The following FRMPD2 variants were observed in gnomAD, a reference collection of about 807,000 sequenced individuals.
FRMPD2 encodes the protein FERM and PDZ domain-containing protein 2.
In FRMPD2, 96 loss-of-function variants were observed where a neutral mutation model predicts 140.1. The observed-to-expected ratio is 0.69, with a 90% CI of 0.58 to 0.81. The LOEUF (loss-of-function observed/expected upper bound fraction) is 0.81. Ranked by LOEUF, FRMPD2 falls within the 40% of genes least tolerant of loss-of-function variation. FRMPD2 has a pLI of 0.00. For synonymous variants in FRMPD2, 449 were observed against 547.6 expected (o/e 0.82, Z 2.52); for missense variants, 1,240 against 1,447.4 (o/e 0.86, Z 2.32).
intron 1 of FRMPD2, among the ~76,000 whole-genome samples, chr10:48,252,490 G>GT (rs1233796810): frequency 1.2e-4 from 19 of 152,038 alleles, no homozygotes; most frequent in African/African-American, 4.6e-4. Context: ...AAGCAGGGCG[G>GT]GTGTGCAGTG....
intron 13 of FRMPD2, among the ~76,000 whole-genome samples, chr10:48,207,298 A>G (rs1839224524): frequency 6.6e-6 from 1 of 152,106 alleles, no homozygotes; most frequent in African/African-American, 2.4e-5. Flanking sequence ...AAGGTAAGAG[A>G]TTTCTTTTCC....
intron 1 of FRMPD2, among the ~76,000 whole-genome samples, chr10:48,258,239 G>C (rs914870505): frequency 6.6e-6 from 1 of 152,262 alleles, no homozygotes; most frequent in South Asian, 2.1e-4. Flanking sequence ...AGGAGGAAAA[G>C]ACTATCCTGC....
At chr10:48,266,537 T>C (rs1049560729) in intron 1 of FRMPD2, among the ~76,000 whole-genome samples, 2 of 152,190 alleles carry the variant, frequency 1.3e-5, no homozygotes, top group Admixed American at 1.3e-4. Context: ...AATAGACCAA[T>C]ACATATACAT....
chr10:48,230,615 T>A (rs1271959393), intron 10 of FRMPD2, among the ~76,000 whole-genome samples: 1 of 152,192 alleles, frequency 6.6e-6, no homozygotes, highest in Non-Finnish European at 1.5e-5. Context: ...TTATCTTTAG[T>A]AAAAATGGGG....
chr10:48,182,583 C>G lies in FRMPD2; in HGVS notation c.2585-1575G>C, dbSNP rs553410142. Among the ~76,000 whole-genome samples, 8 of 152,336 alleles carry G rather than the reference C, an allele frequency of 5.3e-5. No homozygotes were observed. The East Asian group carries it at 1.4e-3, about 26-fold the overall frequency. On this transcript the variant is annotated intron_variant, in intron 20 of 28. Transcript: ENST00000374201. ...CCAGCATCACCAAGGAAACATCTTC[C>G]TCTGGCAGTGGCCCAGCTATGAGGA...
intron 22 of FRMPD2, among the ~76,000 whole-genome samples, chr10:48,176,656 C>G (rs1298616328): frequency 6.6e-6 from 1 of 152,120 alleles, no homozygotes; most frequent in Non-Finnish European, 1.5e-5. Context: ...TCAACCTCTT[C>G]TCAGCAAATA....
rs34002506 is a variant in FRMPD2 at position 48,184,785 on chromosome 10, G to C, written c.2456C>G (p.Thr819Arg). 298 of 1,612,592 alleles carry C rather than the reference G, an allele frequency of 1.8e-4. No homozygotes were observed. The highest frequency in any genetic ancestry group is 2.5e-4 in the Non-Finnish European group (294 of 1,179,248). ...TTAAAAAGATGTACCTGGTTTGATC[G>C]TTTTTGCTTTTTCTGCTGGTCCTCC... ...IPGGPAEKAK[T>R]IKPGGQILAL... The change falls in exon 19 of 29, where the codon ACG becomes AGG. Residue 819 changes from threonine (T) to arginine (R), a missense_variant. Around this residue, in one of 6 missense-constraint regions of FRMPD2, gnomAD observed 1,161 missense variants for 1,055.9 expected, o/e 1.10. Transcript: ENST00000374201.
At chr10:48,182,500 G>A (rs2132424295) in intron 20 of FRMPD2, among the ~76,000 whole-genome samples, 1 of 152,310 alleles carries the variant, frequency 6.6e-6, no homozygotes, top group East Asian at 1.9e-4. Context: ...TGCCTTAACA[G>A]CAGCCTAAAG....
At chr10:48,209,989 GC>G (rs1839282278) in intron 13 of FRMPD2, among the ~76,000 whole-genome samples, 1 of 152,110 alleles carries the variant, frequency 6.6e-6, no homozygotes. Context: ...ATAATATAAA[GC>G]TAATTTTAAA....
chr10:48,168,141 A>G (rs1431635065), intron 27 of FRMPD2, among the ~76,000 whole-genome samples: 1 of 144,792 alleles, frequency 6.9e-6, no homozygotes, highest in Admixed American at 6.7e-5. Flanking sequence ...TGTCAAGGTA[A>G]AAATCCCTAT....
intron 20 of FRMPD2, among the ~76,000 whole-genome samples, chr10:48,181,720 A>G (rs1473473103): frequency 6.6e-6 from 1 of 151,980 alleles, no homozygotes; most frequent in East Asian, 1.9e-4. Context: ...ATTTTCCTGT[A>G]TCTAAAGTAG....
intron 10 of FRMPD2, among the ~76,000 whole-genome samples, chr10:48,231,346 G>A (rs1452607202): frequency 6.6e-6 from 1 of 152,196 alleles, no homozygotes; most frequent in African/African-American, 2.4e-5. Flanking sequence ...TGCTACATGA[G>A]TCACACAAGG....
chr10:48,207,558 T>A (rs1442866648), intron 13 of FRMPD2, among the ~76,000 whole-genome samples: 1 of 152,122 alleles, frequency 6.6e-6, no homozygotes, highest in Non-Finnish European at 1.5e-5. Flanking sequence ...GGGCCATGGG[T>A]CAGTTGGAGC....
At chr10:48,203,921 T>C (rs1323184824) in intron 14 of FRMPD2, among the ~76,000 whole-genome samples, 2 of 152,178 alleles carry the variant, frequency 1.3e-5, no homozygotes, top group Non-Finnish European at 2.9e-5. Context: ...AGCAGAACCC[T>C]TTAAGAAGTT....
At chr10:48,187,942 T>C (rs1175964338) in intron 16 of FRMPD2, among the ~76,000 whole-genome samples, 1 of 152,212 alleles carries the variant, frequency 6.6e-6, no homozygotes, top group Non-Finnish European at 1.5e-5. Flanking sequence ...TACTAGAGCC[T>C]AGCAGAATAA....
At chr10:48,174,739 A>C in intron 24 of FRMPD2, 131 bp downstream of exon 24, 1 of 807,268 alleles carries the variant, frequency 1.2e-6, no homozygotes, top group Non-Finnish European at 2.1e-6. Context: ...ATGGAAGAGA[A>C]AAAAAAAACT....
At position 48,225,058 on chromosome 10, in the gene FRMPD2, C is replaced by T. The variant is rs149905962; in HGVS notation, c.1169-1788G>A. 3.4e-3 allele frequency among the ~76,000 whole-genome samples: 516 copies of T among 152,220 alleles called. 4 individuals carry two copies. Among genetic ancestry groups the T allele is most frequent in the African/African-American group, 0.012 (481 of 41,536 alleles). ...AATCATACAAGTTCGTGAGCTTTTC[C>T]TACTGGAAATGGGAAAATAGAGGAA... On this transcript the variant is annotated intron_variant, in intron 10 of 28. Transcript: ENST00000374201.
rs1840311861 is a variant in FRMPD2, at chr10:48,248,836, C to T, written c.309+185G>A. 9 of 463,446 alleles carry T rather than the reference C, an allele frequency of 1.9e-5. No homozygotes were observed. The South Asian group carries it at 4.7e-4, about 24-fold the overall frequency. 28.7% of individuals were successfully genotyped at this position (463,446 alleles called of 1,614,324 possible). ...TTGGGGCTCAGAGAAGTGGACTTGC[C>T]CTTGTCCATGAGCTAGTAAGTTGTT... On this transcript the variant is annotated intron_variant, in intron 3 of 28. Transcript: ENST00000374201.
At chr10:48,206,985 A>G in intron 13 of FRMPD2, 52 bp from the exon 14 acceptor site, 3 of 1,551,842 alleles carry the variant, frequency 1.9e-6, no homozygotes, top group Non-Finnish European at 2.6e-6. Context: ...GTTTAAAATA[A>G]TGGGCCTCAC....
Sources: gnomAD v4.1 joint callset for allele counts (sites outside exome capture counted in the v4.1 genomes callset) on GRCh38, gnomAD v4.1.1 for gene constraint, gnomAD v4.1.1 regional missense constraint, MANE v1.5 for transcripts, NCBI Gene and HGNC (gene_info 2026-07-23, HGNC 2026-07-21) for gene names.